GRIN3A: variants seen among roughly 807,000 people sequenced by gnomAD.
GRIN3A encodes glutamate receptor ionotropic, NMDA 3A.
GRIN3A carries 47 observed loss-of-function variants against 92.4 expected under a neutral mutation model. That is an observed-to-expected ratio of 0.51 (90% confidence interval 0.40 to 0.65). The LOEUF (loss-of-function observed/expected upper bound fraction) is 0.65, where lower values mean the gene tolerates loss of function less well. Ranked by LOEUF, GRIN3A falls within the 30% of genes least tolerant of loss-of-function variation. The pLI is 0.00. For synonymous variants in GRIN3A, 527 were observed against 540.6 expected (o/e 0.97, Z 0.35); for missense variants, 1,324 against 1,393.1 (o/e 0.95, Z 0.79).
chr9:101,652,879 A>T (rs1025052570), intron 3 of GRIN3A, among the ~76,000 whole-genome samples: 1 of 151,962 alleles, frequency 6.6e-6, no homozygotes, highest in African/African-American at 2.4e-5. Flanking sequence ...TGAACATTGC[A>T]GTTAATGTTG....
chr9:101,712,667 G>A (rs1829893815), intron 1 of GRIN3A, among the ~76,000 whole-genome samples: 2 of 152,060 alleles, frequency 1.3e-5, no homozygotes, highest in African/African-American at 4.8e-5. Flanking sequence ...AAATATGAAA[G>A]CTCACCACTC....
At chr9:101,696,479 T>C (rs1427828505) in intron 1 of GRIN3A, among the ~76,000 whole-genome samples, 1 of 152,176 alleles carries the variant, frequency 6.6e-6, no homozygotes, top group Non-Finnish European at 1.5e-5. Context: ...TAAGAACTTT[T>C]GGAATAAAGA....
chr9:101,614,878 C>T (rs1321006989), intron 5 of GRIN3A, among the ~76,000 whole-genome samples: 1 of 151,706 alleles, frequency 6.6e-6, no homozygotes, highest in Non-Finnish European at 1.5e-5. Context: ...CTCAGCCTCT[C>T]AAAGTGATGG....
intron 1 of GRIN3A, among the ~76,000 whole-genome samples, chr9:101,725,602 T>C (rs184146992): frequency 2.2e-4 from 34 of 152,322 alleles, no homozygotes; most frequent in African/African-American, 7.7e-4. Context: ...CACAAAGAGA[T>C]AAATTCAGTA....
chr9:101,595,504 A>G (rs1828113935), intron 6 of GRIN3A, among the ~76,000 whole-genome samples: 1 of 152,060 alleles, frequency 6.6e-6, no homozygotes, highest in Non-Finnish European at 1.5e-5. Context: ...TAAGGATGAA[A>G]CAAGGTGACA....
intron 2 of GRIN3A, among the ~76,000 whole-genome samples, chr9:101,685,846 CATCA>C (rs1182277864): frequency 6.6e-6 from 1 of 151,870 alleles, no homozygotes; most frequent in Non-Finnish European, 1.5e-5. Context: ...ATCTATCAAT[CATCA>C]ATCACAATGA....
At chr9:101,692,250 C>T (rs924231620) in intron 1 of GRIN3A, among the ~76,000 whole-genome samples, 1 of 152,070 alleles carries the variant, frequency 6.6e-6, no homozygotes, top group South Asian at 2.1e-4. Context: ...TTGGGAGATA[C>T]TATGTTTACA....
chr9:101,645,186 C>G (rs1828920838), intron 3 of GRIN3A, among the ~76,000 whole-genome samples: 1 of 151,830 alleles, frequency 6.6e-6, no homozygotes, highest in Non-Finnish European at 1.5e-5. Flanking sequence ...TAGTAACCAT[C>G]ATTCTACTCT....
At chr9:101,730,928 T>A (rs1830130519) in intron 1 of GRIN3A, among the ~76,000 whole-genome samples, 1 of 152,086 alleles carries the variant, frequency 6.6e-6, no homozygotes, top group Non-Finnish European at 1.5e-5. Flanking sequence ...ATTTTCACCC[T>A]CTATAATCCC....
chr9:101,686,845 A>T lies in GRIN3A; in HGVS notation c.1055T>A (p.Leu352His). 6.2e-7 allele frequency: 1 copy of T among 1,614,220 alleles called. No individual in the cohort carries two copies. The highest frequency in any genetic ancestry group is 8.5e-7 in the Non-Finnish European group (1 of 1,180,046). ...CTGGGAATCTCCCAGCACCCAACGA[A>T]GTTCAGGGGGCATGACCCCAAACTG... ...TTQFGVMPPELRWVLGDSQNV... is the reference protein window; with the variant it reads ...TTQFGVMPPEHRWVLGDSQNV... Residue 352 changes from leucine to histidine, a missense_variant, in exon 2 of 9, where the codon CTT (leucine) becomes CAT (histidine). Transcript: ENST00000361820.
chr9:101,631,799 AC>A (rs1003734071), intron 3 of GRIN3A, among the ~76,000 whole-genome samples: 1 of 152,170 alleles, frequency 6.6e-6, no homozygotes, highest in African/African-American at 2.4e-5. Flanking sequence ...CCTGACAGGG[AC>A]CTCACTCTAA....
intron 3 of GRIN3A, among the ~76,000 whole-genome samples, chr9:101,646,775 C>T (rs7848137): frequency 0.089 from 13,454 of 151,500 alleles, 864 homozygotes; most frequent in East Asian, 0.22. Flanking sequence ...GTAGCTACTG[C>T]GCATGGGATT....
chr9:101,577,483 T>A (rs1275167664), intron 8 of GRIN3A, among the ~76,000 whole-genome samples: 1 of 152,196 alleles, frequency 6.6e-6, no homozygotes, highest in East Asian at 1.9e-4. Context: ...GCAGAGAGAT[T>A]AAATAAGTGA....
intron 6 of GRIN3A, chr9:101,593,059 T>G (rs1409624736): frequency 6.6e-6 from 1 of 152,256 alleles, no homozygotes; most frequent in African/African-American, 2.4e-5. Flanking sequence ...CAATAGTATG[T>G]GGGACACCTC....
chr9:101,659,139 A>G (rs529983265), intron 3 of GRIN3A, among the ~76,000 whole-genome samples: 7 of 152,036 alleles, frequency 4.6e-5, no homozygotes, highest in Middle Eastern at 6.8e-3. Context: ...AAGATTCTTC[A>G]CAGAGCAAAC....
At chr9:101,732,069 C>G (rs1355000783) in intron 1 of GRIN3A, among the ~76,000 whole-genome samples, 1 of 152,212 alleles carries the variant, frequency 6.6e-6, no homozygotes, top group East Asian at 1.9e-4. Context: ...AATGAGATTT[C>G]TCATCTCTAT....
intron 8 of GRIN3A, among the ~76,000 whole-genome samples, chr9:101,576,990 G>A (rs1827834900): frequency 6.6e-6 from 1 of 152,202 alleles, no homozygotes; most frequent in Non-Finnish European, 1.5e-5. Context: ...GCAGCAGGCA[G>A]CAGAGACTAG....
At chr9:101,625,311 T>C (rs555290942) in intron 4 of GRIN3A, among the ~76,000 whole-genome samples, 11 of 152,304 alleles carry the variant, frequency 7.2e-5, no homozygotes, top group South Asian at 2.1e-4. Context: ...CTCTCTTAGA[T>C]CCAGTGGTGA....
Position 101,670,944 on chromosome 9 carries a change from C to T in GRIN3A, c.1468G>A (p.Val490Ile). 1 of 1,614,002 alleles carries T rather than the reference C, an allele frequency of 6.2e-7. No homozygotes were observed. The highest frequency in any genetic ancestry group is 8.5e-7 in the Non-Finnish European group (1 of 1,179,940). ...TCTGGCCATATTCCATAGTCCATGA[C>T]AATCTTTCCCCCCTGCCAGCTGCCC... ...RLGSWQGGKIVMDYGIWPEQA... is the reference protein window; with the variant it reads ...RLGSWQGGKIIMDYGIWPEQA... Residue 490 changes from valine to isoleucine, a missense_variant, in exon 3 of 9, where the codon GTC (valine) becomes ATC (isoleucine). By Grantham distance (29) the Val-to-Ile change is conservative. Coordinates refer to ENST00000361820, the MANE Select transcript of GRIN3A (RefSeq NM_133445.3).
Sources: gnomAD v4.1 joint callset for allele counts (sites outside exome capture counted in the v4.1 genomes callset) on GRCh38, gnomAD v4.1.1 for gene constraint, MANE v1.5 for transcripts, NCBI Gene and HGNC (gene_info 2026-07-23, HGNC 2026-07-21) for gene names.